ZNRF3: variants seen among roughly 807,000 people sequenced by gnomAD.
ZNRF3 encodes E3 ubiquitin-protein ligase ZNRF3.
In ZNRF3, 23 loss-of-function variants were observed where a neutral mutation model predicts 72.5. The observed-to-expected ratio is 0.32, with a 90% CI of 0.23 to 0.45. The LOEUF (loss-of-function observed/expected upper bound fraction) is 0.45, where lower values mean the gene tolerates loss of function less well. Ranked by LOEUF, ZNRF3 falls within the 20% of genes least tolerant of loss-of-function variation. ZNRF3 has a pLI of 1.00. For missense variants in ZNRF3, 1,169 were observed against 1,272.1 expected (o/e 0.92, Z 1.23); for synonymous variants, 610 against 545.3 (o/e 1.12, Z -1.65).
chr22:29,018,787 C>T (rs1230945885), intron 2 of ZNRF3, among the ~76,000 whole-genome samples: 13 of 152,148 alleles, frequency 8.5e-5, no homozygotes, highest in Admixed American at 8.5e-4. Flanking sequence ...GGTGAGGTAG[C>T]ATGGCCCTGT....
At position 28,883,998 on chromosome 22, in the gene ZNRF3, A is replaced by G; in HGVS notation, c.232A>G (p.Thr78Ala). ...SSPSGDYTTY[T>A]TGLTGRFSRA... Reference sequence around the variant, plus strand: ...CCCAAGCGGCGATTACACCACCTACACCACCGGCCTCACGGGCCGCTTCTC... The same window carrying G: ...CCCAAGCGGCGATTACACCACCTACGCCACCGGCCTCACGGGCCGCTTCTC... Residue 78 changes from threonine (T) to alanine (A), a missense_variant, in exon 1 of 9, where the codon ACC (threonine) becomes GCC (alanine). Thr to Ala is a moderately conservative substitution (Grantham distance 58). Around this residue, in one of 2 missense-constraint regions of ZNRF3, gnomAD observed 386 missense variants for 540.7 expected, o/e 0.71. Coordinates refer to ENST00000544604, the MANE Select transcript of ZNRF3 (RefSeq NM_001206998.2). This position sits in a 1 kb window ranked among gnomAD's most constrained non-coding sequence, Gnocchi z 5.5. 7.6e-7 allele frequency: 1 copy of G among 1,320,302 alleles called. No individual in the cohort carries two copies. The highest frequency in any genetic ancestry group is 9.8e-7 in the Non-Finnish European group (1 of 1,017,664). The allele number at this position is 1,320,302 out of a possible 1,614,324, so 81.8% of individuals were successfully genotyped here. A position where few individuals can be genotyped will look rare whatever the true frequency, so the allele number is the denominator to read the frequency against.
chr22:28,908,908 T>C (rs1471659812), intron 1 of ZNRF3, among the ~76,000 whole-genome samples: 2 of 152,052 alleles, frequency 1.3e-5, no homozygotes, highest in Non-Finnish European at 2.9e-5. Context: ...GTTTGTTTGT[T>C]TGTTTTTGAG....
intron 8 of ZNRF3, among the ~76,000 whole-genome samples, chr22:29,051,572 C>G (rs1007658878): frequency 6.7e-6 from 1 of 148,960 alleles, no homozygotes; most frequent in South Asian, 2.1e-4. Context: ...CTACTGCACT[C>G]CAGCCTGGGT....
chr22:29,033,562 T>G (rs1366376991), intron 2 of ZNRF3, among the ~76,000 whole-genome samples: 3 of 151,934 alleles, frequency 2.0e-5, no homozygotes, highest in African/African-American at 7.3e-5. Context: ...GCGTGCAAGG[T>G]GGGCTGGGCT....
chr22:28,945,853 T>C (rs2035044710), intron 1 of ZNRF3, among the ~76,000 whole-genome samples: 3 of 152,150 alleles, frequency 2.0e-5, no homozygotes, highest in Non-Finnish European at 4.4e-5. Context: ...AAAAAAGAAT[T>C]GTGTGGCATA....
intron 1 of ZNRF3, among the ~76,000 whole-genome samples, chr22:28,913,677 A>G (rs1253042486): frequency 6.6e-6 from 1 of 152,242 alleles, no homozygotes; most frequent in Non-Finnish European, 1.5e-5. Flanking sequence ...AAAAGAACCA[A>G]GAAACAGTGC....
At chr22:28,943,129 T>C (rs1255923102) in intron 1 of ZNRF3, among the ~76,000 whole-genome samples, 1 of 152,218 alleles carries the variant, frequency 6.6e-6, no homozygotes, top group African/African-American at 2.4e-5. Flanking sequence ...CCAGGTTTTA[T>C]GTTCCACTGG....
Position 29,030,732 on chromosome 22 carries a change from G to T in ZNRF3, c.427-11763G>T, listed in dbSNP as rs1392915040. On this transcript the variant is annotated intron_variant, in intron 2 of 8. Coordinates refer to ENST00000544604, the MANE Select transcript of ZNRF3 (RefSeq NM_001206998.2). This position sits in a 1 kb window ranked among gnomAD's most constrained non-coding sequence, Gnocchi z 4.2. Reference sequence around the variant, plus strand: ...TCGGGGGTGGGGGGAACATAGAGAAGCAGGGCTGGTGGAGGGGAGGAGGGA... The same window carrying T: ...TCGGGGGTGGGGGGAACATAGAGAATCAGGGCTGGTGGAGGGGAGGAGGGA... 6.6e-6 allele frequency among the ~76,000 whole-genome samples: 1 copy of T among 151,666 alleles called. No individual in the cohort carries two copies. The highest frequency in any genetic ancestry group is 1.5e-5 in the Non-Finnish European group (1 of 67,938).
intron 2 of ZNRF3, chr22:29,025,771 C>T (rs889954819): frequency 1.3e-5 from 2 of 152,228 alleles, no homozygotes; most frequent in African/African-American, 2.4e-5. Flanking sequence ...ATCTGCCTGC[C>T]TCAGCCTCCC....
intron 8 of ZNRF3, among the ~76,000 whole-genome samples, chr22:29,053,341 C>CT (rs1178891338): frequency 6.6e-6 from 1 of 152,244 alleles, no homozygotes; most frequent in African/African-American, 2.4e-5. Context: ...ATATATTGGG[C>CT]TTTCGTGCTA....
At chr22:29,012,387 GGA>G (rs1271077105) in intron 2 of ZNRF3, among the ~76,000 whole-genome samples, 2 of 152,182 alleles carry the variant, frequency 1.3e-5, no homozygotes, top group Non-Finnish European at 2.9e-5. Flanking sequence ...TCACATACGT[GGA>G]GAACCTGCCC....
At chr22:28,953,032 C>T (rs1390340024) in intron 1 of ZNRF3, among the ~76,000 whole-genome samples, 1 of 152,046 alleles carries the variant, frequency 6.6e-6, no homozygotes, top group Non-Finnish European at 1.5e-5. Context: ...GGGTATCTTC[C>T]CAGTGTTATT....
At chr22:29,001,070 T>C (rs958791316) in intron 2 of ZNRF3, among the ~76,000 whole-genome samples, 1 of 130,980 alleles carries the variant, frequency 7.6e-6, no homozygotes, top group Non-Finnish European at 1.6e-5. Flanking sequence ...TTTTTTTTTT[T>C]TTTTTTTTTT....
Position 29,050,211 on chromosome 22 carries a change from G to A in ZNRF3, c.2030G>A (p.Gly677Glu), listed in dbSNP as rs1277100046. 3 of 1,600,542 alleles carry A rather than the reference G, an allele frequency of 1.9e-6. No individual in the cohort carries two copies. Among genetic ancestry groups the A allele is most frequent in the Admixed American group, 3.3e-5 (2 of 60,018 alleles). The change falls in exon 8 of 9, where the codon GGG becomes GAG. Residue 677 changes from glycine (G) to glutamate (E), a missense_variant. This residue lies in a region of ZNRF3 where 783 missense variants were observed against 731.4 expected (regional missense o/e 1.07). Coordinates refer to ENST00000544604, the MANE Select transcript of ZNRF3 (RefSeq NM_001206998.2). Reference sequence around the variant, plus strand: ...AGCAACTCCTCCCTGGAGCACAGGGGGCCCAATAGCTCTACCTCAGAAGTG... The same window carrying A: ...AGCAACTCCTCCCTGGAGCACAGGGAGCCCAATAGCTCTACCTCAGAAGTG... ...YSSNSSLEHR[G>E]PNSSTSEVGL...
chr22:28,910,416 C>T (rs552591169), intron 1 of ZNRF3, among the ~76,000 whole-genome samples: 16 of 152,302 alleles, frequency 1.1e-4, no homozygotes, highest in African/African-American at 3.6e-4. Context: ...TCCTAGAGGA[C>T]GTAAGCAGTC....
intron 2 of ZNRF3, chr22:29,031,648 C>T: frequency 1.0e-6 from 1 of 985,052 alleles, no homozygotes; most frequent in Non-Finnish European, 1.2e-6. Flanking sequence ...ATTTAAAATC[C>T]ACTTAGTGGC....
intron 1 of ZNRF3, among the ~76,000 whole-genome samples, chr22:28,911,325 T>C (rs574910104): frequency 6.6e-6 from 1 of 152,286 alleles, no homozygotes; most frequent in South Asian, 2.1e-4. Context: ...AGTCAGAATA[T>C]AGGTGATGTC....
At chr22:29,041,342 G>C (rs1279295686) in intron 2 of ZNRF3, among the ~76,000 whole-genome samples, 2 of 152,074 alleles carry the variant, frequency 1.3e-5, no homozygotes, top group Non-Finnish European at 2.9e-5. Flanking sequence ...ATGGGGTCTT[G>C]CTATGTTACC....
chr22:29,031,239 C>G (rs1311955445), intron 2 of ZNRF3: 3 of 152,270 alleles, frequency 2.0e-5, no homozygotes, highest in Non-Finnish European at 4.4e-5. Flanking sequence ...GTGTGCGTCC[C>G]TTTCCTCCAC....
Sources: allele counts gnomAD v4.1 joint callset (sites outside exome capture counted in the v4.1 genomes callset), GRCh38; gene constraint gnomAD v4.1.1; regional missense constraint gnomAD v4.1.1; non-coding constraint Gnocchi (gnomAD v3.1); transcripts MANE v1.5; gene names NCBI Gene and HGNC (gene_info 2026-07-23, HGNC 2026-07-21).